CFAP54: variants seen among roughly 807,000 people sequenced by gnomAD.
CFAP54 encodes cilia and flagella associated protein 54.
Under a neutral mutation model 370.4 loss-of-function variants are expected in CFAP54, and 290 were observed. That is an observed-to-expected ratio of 0.78 (90% CI 0.71 to 0.86). The LOEUF (loss-of-function observed/expected upper bound fraction) is 0.86, where lower values mean the gene tolerates loss of function less well. CFAP54 is among the 40% of genes least tolerant of loss of function. The pLI, the probability that CFAP54 is intolerant of heterozygous loss-of-function variation, is 0.00. For synonymous variants in CFAP54, 1,206 were observed against 1,236.5 expected, an observed-to-expected ratio of 0.98 and a Z score of 0.52; for missense variants, 3,399 against 3,528.7, an observed-to-expected ratio of 0.96 and a Z score of 0.93.
intron 26 of CFAP54, among the ~76,000 whole-genome samples, chr12:96,619,634 T>C (rs1482630464): frequency 6.6e-6 from 1 of 152,218 alleles, no homozygotes; most frequent in Non-Finnish European, 1.5e-5. Flanking sequence ...TTCCTTTGGC[T>C]GGAAAAAATT....
At chr12:96,674,194 A>G (rs942552190) in intron 39 of CFAP54, among the ~76,000 whole-genome samples, 1 of 152,052 alleles carries the variant, frequency 6.6e-6, no homozygotes, top group Non-Finnish European at 1.5e-5. Context: ...GGGCATTTGG[A>G]TTGATGTGGC....
chr12:96,580,354 T>C (rs1006710634), intron 20 of CFAP54, among the ~76,000 whole-genome samples: 2 of 152,108 alleles, frequency 1.3e-5, no homozygotes, highest in Non-Finnish European at 2.9e-5. Context: ...TACTTAGCAG[T>C]AGGAACTGTT....
intron 62 of CFAP54, among the ~76,000 whole-genome samples, chr12:96,791,671 C>A (rs1304727060): frequency 1.3e-5 from 2 of 152,106 alleles, no homozygotes; most frequent in Non-Finnish European, 2.9e-5. Context: ...TTTATAACCA[C>A]ACCCTTAGTG....
At chr12:96,641,218 A>T (rs536896361) in intron 32 of CFAP54, among the ~76,000 whole-genome samples, 1 of 152,232 alleles carries the variant, frequency 6.6e-6, no homozygotes, top group Non-Finnish European at 1.5e-5. Context: ...AATGAACTCA[A>T]ACAAATTTAC....
chr12:96,657,035 C>T (rs1230294013), intron 36 of CFAP54, among the ~76,000 whole-genome samples: 1 of 152,192 alleles, frequency 6.6e-6, no homozygotes, highest in East Asian at 1.9e-4. Context: ...TCAAGGACTA[C>T]AGCTCTTGTT....
chr12:96,587,647 A>T lies in CFAP54; in HGVS notation c.3076-1780A>T, dbSNP rs186565512. On this transcript the variant is annotated intron_variant, in intron 22 of 67. Transcript: ENST00000524981. Reference sequence around the variant, plus strand: ...GTATCTTTTCCTGTTTTGCAATGTTAACTGATGGAACAAAGAACATTATTT... The same window carrying T: ...GTATCTTTTCCTGTTTTGCAATGTTTACTGATGGAACAAAGAACATTATTT... 5.0e-3 allele frequency among the ~76,000 whole-genome samples: 765 copies of T among 152,298 alleles called. 2 individuals carry two copies. The highest frequency in any genetic ancestry group is 0.01 in the Middle Eastern group (3 of 294).
intron 63 of CFAP54, among the ~76,000 whole-genome samples, chr12:96,805,216 G>A (rs1038567188): frequency 6.6e-6 from 1 of 151,940 alleles, no homozygotes; most frequent in Admixed American, 6.6e-5. Flanking sequence ...AAAATCAAAT[G>A]CAACAACAAC....
At chr12:96,539,985 T>C (rs1955552693) in intron 13 of CFAP54, among the ~76,000 whole-genome samples, 1 of 152,270 alleles carries the variant, frequency 6.6e-6, no homozygotes, top group Non-Finnish European at 1.5e-5. Flanking sequence ...TTTTATCATG[T>C]ACTCTGTTAA....
intron 39 of CFAP54, among the ~76,000 whole-genome samples, chr12:96,664,733 ATATATC>A (rs1192742754): frequency 4.0e-4 from 10 of 24,888 alleles, no homozygotes; most frequent in Admixed American, 2.0e-3. Context: ...ATCTATATAT[ATATATC>A]TATATATATA....
intron 67 of CFAP54, among the ~76,000 whole-genome samples, chr12:96,862,699 G>A (rs1262957281): frequency 6.6e-6 from 1 of 152,152 alleles, no homozygotes; most frequent in Non-Finnish European, 1.5e-5. Flanking sequence ...GTTGCATGAT[G>A]TCTATACCCT....
intron 66 of CFAP54, among the ~76,000 whole-genome samples, chr12:96,843,820 G>C (rs919883005): frequency 2.0e-5 from 3 of 152,200 alleles, no homozygotes; most frequent in South Asian, 4.2e-4. Context: ...TCCTAATTTG[G>C]ACAATAAATT....
chr12:96,633,019 AT>A (rs1360119052), intron 32 of CFAP54, among the ~76,000 whole-genome samples: 1 of 151,834 alleles, frequency 6.6e-6, no homozygotes, highest in Non-Finnish European at 1.5e-5. Flanking sequence ...ACATTTTTGA[AT>A]TTTTCTATTC....
At chr12:96,720,091 A>G (rs1957730698) in intron 49 of CFAP54, among the ~76,000 whole-genome samples, 1 of 152,220 alleles carries the variant, frequency 6.6e-6, no homozygotes, top group African/African-American at 2.4e-5. Flanking sequence ...CCTAGGAGCA[A>G]TGGCTCAGTA....
intron 26 of CFAP54, among the ~76,000 whole-genome samples, chr12:96,619,366 T>C (rs985580443): frequency 2.6e-5 from 4 of 152,204 alleles, no homozygotes; most frequent in African/African-American, 9.7e-5. Flanking sequence ...GGATTTTCTC[T>C]TAGGACATGT....
chr12:96,512,266 G>GT (rs2136358572), intron 4 of CFAP54, among the ~76,000 whole-genome samples: 1 of 122,058 alleles, frequency 8.2e-6, no homozygotes, highest in South Asian at 2.7e-4. Flanking sequence ...TAAATCTTTA[G>GT]TTTTTAAATG....
At chr12:96,638,184 C>CATATATATATATATATATATAT (rs61605059) in intron 32 of CFAP54, among the ~76,000 whole-genome samples, 8 of 137,558 alleles carry the variant, frequency 5.8e-5, no homozygotes, top group African/African-American at 2.2e-4. Flanking sequence ...TTAGCTGCAT[C>CATATATATATATATATATATAT]ATATATATAT....
intron 11 of CFAP54, 49 bp from the exon 12 acceptor site, chr12:96,535,466 T>A (rs1459247177): frequency 1.0e-5 from 13 of 1,240,038 alleles, no homozygotes; most frequent in Non-Finnish European, 1.4e-5. Flanking sequence ...CTATTTGAAA[T>A]TTTGTAAGTG....
At chr12:96,754,774 C>T (rs559125763) in intron 56 of CFAP54, among the ~76,000 whole-genome samples, 12 of 149,022 alleles carry the variant, frequency 8.1e-5, no homozygotes, top group African/African-American at 1.7e-4. Flanking sequence ...GGTGTAGTCT[C>T]GCTCTGTTGC....
Position 96,663,922 on chromosome 12 carries a change from T to C in CFAP54, c.5553T>C (p.Leu1851=), listed in dbSNP as rs141141034. 3.7e-6 allele frequency: 6 copies of C among 1,611,336 alleles called. No homozygotes were observed. The African/African-American group carries it at 8.0e-5, about 22-fold the overall frequency. ...TSNCTDLLKM[L]ISSEYSRAKA... is the part of the protein sequence containing the mutation. ...ACTGCACAGATTTGCTAAAAATGCTTATCTCTTCAGGTCAGAACCAATCTT... is the reference window on the plus strand; with the variant it reads ...ACTGCACAGATTTGCTAAAAATGCTCATCTCTTCAGGTCAGAACCAATCTT... Residue 1851 remains leucine (L), a synonymous_variant, in exon 39 of 68, where the codon CTT becomes CTC. Transcript: ENST00000524981.
Sources: allele counts gnomAD v4.1 joint callset (sites outside exome capture counted in the v4.1 genomes callset), GRCh38; gene constraint gnomAD v4.1.1; transcripts MANE v1.5; gene names NCBI Gene and HGNC (gene_info 2026-07-23, HGNC 2026-07-21).